The following KAT2B variants were observed in gnomAD, a reference collection of about 807,000 sequenced individuals.
KAT2B encodes histone acetyltransferase KAT2B.
A neutral mutation model predicts 105.9 loss-of-function variants in KAT2B; 36 were observed. The ratio of observed to expected loss-of-function variants is 0.34; its 90% CI spans 0.26 to 0.45. KAT2B has a LOEUF of 0.45. KAT2B is among the 20% of genes least tolerant of loss of function. The pLI is 1.00. For missense variants in KAT2B, 820 were observed against 1,021.6 expected (o/e 0.80, Z 2.69); for synonymous variants, 397 against 377.9 (o/e 1.05, Z -0.59).
At position 20,146,377 on chromosome 3, in the gene KAT2B, C is replaced by G; in HGVS notation, c.2066C>G (p.Ser689Ter). The G allele has an allele frequency of 6.2e-7, 1 of 1,613,522 alleles. No individual in the cohort carries two copies. The highest frequency in any genetic ancestry group is 1.1e-5 in the South Asian group (1 of 91,058). The change falls in exon 14 of 18, where the codon TCA becomes TGA. Residue 689 changes from serine (S) to a stop codon, truncating the protein, a stop_gained. Coordinates refer to ENST00000263754, the MANE Select transcript of KAT2B (RefSeq NM_003884.5). LOFTEE classifies it high-confidence loss of function. Reference protein sequence around the residue: ...AQIRKVYPGLSCFKDGVRQIP... With the variant: ...AQIRKVYPGL ...ATTCGAAAAGTTTACCCTGGACTTT[C>G]ATGTTTTAAAGATGGAGTTCGACAG...
At chr3:20,136,839 T>C (rs1345015732) in intron 11 of KAT2B, 103 bp from the exon 12 acceptor site, 5 of 565,988 alleles carry the variant, frequency 8.8e-6, no homozygotes, top group Non-Finnish European at 1.6e-5. Flanking sequence ...TGGTAAAATA[T>C]GTAAAAGTAC....
At chr3:20,053,925 G>A (rs925644491) in intron 1 of KAT2B, among the ~76,000 whole-genome samples, 3 of 152,032 alleles carry the variant, frequency 2.0e-5, no homozygotes, top group Non-Finnish European at 4.4e-5. Flanking sequence ...AGTCTCCCAA[G>A]TAGCTGAGAT....
At chr3:20,151,715 T>C (rs1308260544) in intron 17 of KAT2B, among the ~76,000 whole-genome samples, 2 of 152,190 alleles carry the variant, frequency 1.3e-5, no homozygotes, top group African/African-American at 4.8e-5. Flanking sequence ...TTCTTTGCAA[T>C]AGTCTCACAA....
chr3:20,049,145 C>G (rs1306004317), intron 1 of KAT2B, among the ~76,000 whole-genome samples: 1 of 152,138 alleles, frequency 6.6e-6, no homozygotes, highest in Non-Finnish European at 1.5e-5. Context: ...CAGGTGTGAG[C>G]CACCGCGCCT....
intron 1 of KAT2B, among the ~76,000 whole-genome samples, chr3:20,062,195 A>AT (rs1226900670): frequency 0.12 from 6,370 of 53,824 alleles, 600 homozygotes; most frequent in East Asian, 0.36. Context: ...TATAAAATAT[A>AT]TATATTTTAT....
At position 20,126,109 on chromosome 3, in the gene KAT2B, G is replaced by T; in HGVS notation, c.1618G>T (p.Asp540Tyr). The change falls in exon 10 of 18, where the codon GAC (aspartate) becomes TAC (tyrosine). Residue 540 changes from aspartate to tyrosine, a missense_variant. Transcript: ENST00000263754. ...AGAATACATCACACGGCTCGTCTTT[G>T]ACCCGTAAGTGGTACTTTCTGTTCC... ...PKEYITRLVF[D>Y]PKHKTLALIK... The T allele has an allele frequency of 6.3e-7, 1 of 1,594,214 alleles. No individual in the cohort carries two copies. Among genetic ancestry groups the T allele is most frequent in the East Asian group, 2.3e-5 (1 of 44,198 alleles).
In KAT2B at chr3:20,092,235, A is replaced by ATTTATTTATTTATTTATTTATTTATTT. The variant is rs1553588257; in HGVS notation, c.431-3017_431-3016insATTTATTTATTTATTTTTTATTTATTT. ...CTTTCACATATTTATTTATTTATTT[A>ATTTATTTATTTATTTATTTATTTATTT]TTTATTTATTTGAGATGGAGTGTTG... On this transcript the variant is annotated intron_variant, in intron 2 of 17. Transcript: ENST00000263754. 8.4e-3 allele frequency among the ~76,000 whole-genome samples: 866 copies of ATTTATTTATTTATTTATTTATTTATTT among 103,694 alleles called. 5 individuals are homozygous for ATTTATTTATTTATTTATTTATTTATTT. Among genetic ancestry groups the ATTTATTTATTTATTTATTTATTTATTT allele is most frequent in the South Asian group, 0.014 (38 of 2,780 alleles). The allele number at this position is 103,694 out of a possible 152,430, so 68.0% of individuals were successfully genotyped here.
rs557347656 is a variant in KAT2B, at chr3:20,075,303, T to C, written c.430+2844T>C. Among the ~76,000 whole-genome samples the C allele has an allele frequency of 6.6e-5, 10 of 151,570 alleles. No homozygotes were observed. The South Asian group carries it at 1.0e-3, about 16-fold the overall frequency. On this transcript the variant is annotated intron_variant, in intron 2 of 17. Transcript: ENST00000263754. Reference sequence around the variant, plus strand: ...AAGAAAATATAATAGTATAAAACTTTTTTCTATTTTACTCAACACAGAACA... The same window carrying C: ...AAGAAAATATAATAGTATAAAACTTCTTTCTATTTTACTCAACACAGAACA...
intron 1 of KAT2B, among the ~76,000 whole-genome samples, chr3:20,063,769 C>T (rs1435200882): frequency 6.6e-6 from 1 of 151,592 alleles, no homozygotes; most frequent in Non-Finnish European, 1.5e-5. Context: ...TCTTGAACTC[C>T]TGACCTCGTG....
chr3:20,089,057 GCTGT>G (rs1350085030), intron 2 of KAT2B, among the ~76,000 whole-genome samples: 3 of 152,108 alleles, frequency 2.0e-5, no homozygotes, highest in African/African-American at 7.2e-5. Context: ...AGATTTCTGG[GCTGT>G]CTATTCTGTT....
intron 5 of KAT2B, among the ~76,000 whole-genome samples, chr3:20,108,832 A>G (rs1465641762): frequency 6.6e-6 from 1 of 152,190 alleles, no homozygotes; most frequent in African/African-American, 2.4e-5. Context: ...CCTGAACTCT[A>G]TTGTGAACTG....
At chr3:20,072,727 C>T (rs971050133) in intron 2 of KAT2B, among the ~76,000 whole-genome samples, 1 of 152,202 alleles carries the variant, frequency 6.6e-6, no homozygotes, top group African/African-American at 2.4e-5. Flanking sequence ...ACATGACAAT[C>T]GAGCTAGTTA....
At chr3:20,044,192 A>T (rs1697766396) in intron 1 of KAT2B, among the ~76,000 whole-genome samples, 1 of 152,078 alleles carries the variant, frequency 6.6e-6, no homozygotes, top group African/African-American at 2.4e-5. Context: ...TTAAAAATGT[A>T]GATCTAGGCC....
intron 7 of KAT2B, 116 bp from the exon 8 acceptor site, chr3:20,119,482 G>C: frequency 9.8e-7 from 1 of 1,015,278 alleles, no homozygotes; most frequent in Non-Finnish European, 1.5e-6. Flanking sequence ...ATGTTTTAAA[G>C]ATGACTTATT....
At chr3:20,148,099 C>A (rs956395088) in intron 15 of KAT2B, 100 bp downstream of exon 15, 122 of 1,372,582 alleles carry the variant, frequency 8.9e-5, no homozygotes, top group Non-Finnish European at 1.9e-5. Flanking sequence ...ATCACTAACA[C>A]AACAGTTGGT....
intron 1 of KAT2B, among the ~76,000 whole-genome samples, chr3:20,052,672 A>AT (rs1697935101): frequency 6.7e-6 from 1 of 149,940 alleles, no homozygotes; most frequent in Non-Finnish European, 1.5e-5. Flanking sequence ...AAAAAAAAAA[A>AT]AGAGAGAAAA....
intron 1 of KAT2B, among the ~76,000 whole-genome samples, chr3:20,064,236 C>T (rs1312476510): frequency 2.0e-5 from 3 of 152,118 alleles, no homozygotes; most frequent in African/African-American, 7.2e-5. Context: ...AATAATTATA[C>T]ATATTGATGG....
At chr3:20,109,944 T>C (rs1248845263) in intron 5 of KAT2B, among the ~76,000 whole-genome samples, 1 of 152,110 alleles carries the variant, frequency 6.6e-6, no homozygotes, top group Non-Finnish European at 1.5e-5. Flanking sequence ...ATGAAAGCTT[T>C]TTCTCCAAAG....
At chr3:20,040,878 T>C (rs1187003731) in intron 1 of KAT2B, 98 bp downstream of exon 1, 2 of 1,353,048 alleles carry the variant, frequency 1.5e-6, no homozygotes, top group African/African-American at 3.1e-5. Flanking sequence ...TCCCGCCTCC[T>C]GCCTCTCGCC....
Sources: allele counts gnomAD v4.1 joint callset (sites outside exome capture counted in the v4.1 genomes callset), GRCh38; gene constraint gnomAD v4.1.1; transcripts MANE v1.5; gene names NCBI Gene and HGNC (gene_info 2026-07-23, HGNC 2026-07-21).